The following MRE11 variants were observed in gnomAD, a reference collection of about 807,000 sequenced individuals.
MRE11 encodes double-strand break repair protein MRE11.
Under a neutral mutation model 91.7 loss-of-function variants are expected in MRE11, and 62 were observed. The observed-to-expected ratio is 0.68, with a 90% CI of 0.55 to 0.84. The LOEUF (loss-of-function observed/expected upper bound fraction) is 0.84. MRE11 is among the 40% of genes least tolerant of loss of function. The pLI, the probability that MRE11 is intolerant of heterozygous loss-of-function variation, is 0.00. For synonymous variants in MRE11, 273 were observed against 271.4 expected (o/e 1.01, Z -0.06); for missense variants, 796 against 852.9 (o/e 0.93, Z 0.83).
chr11:94,498,404 C>G, upstream of MRE11: 1 of 1,613,432 alleles, frequency 6.2e-7, no homozygotes, highest in Non-Finnish European at 8.5e-7. Flanking sequence ...CCTGATGAAC[C>G]GTTACGTCAA....
At chr11:94,472,390 A>G (rs1241656966) in intron 7 of MRE11, among the ~76,000 whole-genome samples, 1 of 152,124 alleles carries the variant, frequency 6.6e-6, no homozygotes, top group Non-Finnish European at 1.5e-5. Flanking sequence ...AGATTCAAGT[A>G]AAAGTGTTCA....
chr11:94,456,402 G>T, intron 13 of MRE11, 64 bp from the exon 14 acceptor site: 1 of 1,256,378 alleles, frequency 8.0e-7, no homozygotes. Flanking sequence ...TATAAAACAA[G>T]GGGCTACAAT....
intron 4 of MRE11, among the ~76,000 whole-genome samples, chr11:94,482,594 A>G (rs1037204771): frequency 6.6e-6 from 1 of 152,210 alleles, no homozygotes; most frequent in African/African-American, 2.4e-5. Context: ...TTTTCAAAAC[A>G]GAATGCAATT....
chr11:94,445,366 A>G (rs1004266734), intron 16 of MRE11, among the ~76,000 whole-genome samples: 3 of 152,216 alleles, frequency 2.0e-5, no homozygotes, highest in Non-Finnish European at 4.4e-5. Context: ...GTAGAGTCCA[A>G]TGGCATGATC....
In MRE11 at chr11:94,416,780, G is replaced by A. The variant is rs1341122415; in HGVS notation, c.*3345C>T. 6.6e-6 allele frequency: 1 copy of A among 150,408 alleles called. No homozygotes were observed. Among genetic ancestry groups the A allele is most frequent in the Non-Finnish European group, 1.5e-5 (1 of 67,736 alleles). The allele number at this position is 150,408 out of a possible 1,614,324, so 9.3% of individuals were successfully genotyped here. ...GGCTGAGGCAGGAGAATGGCGTGGA[G>A]CTTGCAGTGAGCCGAAATGGTGCCC... On this transcript the variant is annotated 3_prime_UTR_variant, in exon 20 of 20. Transcript: ENST00000323929.
At chr11:94,462,695 A>G (rs1946452929) in intron 11 of MRE11, among the ~76,000 whole-genome samples, 1 of 152,246 alleles carries the variant, frequency 6.6e-6, no homozygotes, top group African/African-American at 2.4e-5. Flanking sequence ...TTCCCTATTT[A>G]GTAAATGGTG....
chr11:94,473,036 A>G (rs1946758523), intron 7 of MRE11: 1 of 152,140 alleles, frequency 6.6e-6, no homozygotes, highest in South Asian at 2.1e-4. Flanking sequence ...GACTAGCATC[A>G]AATGAGCAGA....
At chr11:94,441,631 AT>A (rs1945780943) in intron 16 of MRE11, among the ~76,000 whole-genome samples, 1 of 152,202 alleles carries the variant, frequency 6.6e-6, no homozygotes, top group African/African-American at 2.4e-5. Context: ...AGGCCTAAAA[AT>A]ATCTTCAGAA....
intron 4 of MRE11, among the ~76,000 whole-genome samples, chr11:94,481,944 T>A (rs1947023651): frequency 6.6e-6 from 1 of 152,176 alleles, no homozygotes; most frequent in Non-Finnish European, 1.5e-5. Context: ...TTATGGGCAA[T>A]ATTTTTTTTA....
the MRE11 span, among the ~76,000 whole-genome samples, chr11:94,505,977 T>C: frequency 1.3e-5 from 2 of 152,218 alleles, no homozygotes; most frequent in African/African-American, 2.4e-5. Context: ...CTATACCAAG[T>C]AGCCTAAGTG....
intron 11 of MRE11, 119 bp downstream of exon 11, chr11:94,463,994 G>T (rs1052768488): frequency 1.8e-6 from 2 of 1,121,848 alleles, no homozygotes; most frequent in Non-Finnish European, 2.6e-6. Flanking sequence ...CTGTCAATTT[G>T]TTTAAGACAT....
At chr11:94,498,297 A>G (rs1463529277), upstream of MRE11, 3 of 1,614,196 alleles carry the variant, frequency 1.9e-6, no homozygotes, top group South Asian at 2.2e-5. Flanking sequence ...TTCTTACTGC[A>G]GCATGATGCA....
intron 19 of MRE11, among the ~76,000 whole-genome samples, chr11:94,424,411 A>G (rs1456144672): frequency 6.6e-6 from 1 of 152,188 alleles, no homozygotes; most frequent in East Asian, 1.9e-4. Context: ...TAACATGAGA[A>G]AGAATCAGTG....
chr11:94,471,949 C>T (rs1946728395), intron 7 of MRE11, among the ~76,000 whole-genome samples, 190 bp from the exon 8 acceptor site: 1 of 151,944 alleles, frequency 6.6e-6, no homozygotes, highest in African/African-American at 2.4e-5. Flanking sequence ...GCTTTACAAA[C>T]TTATTGGACA....
intron 3 of MRE11, among the ~76,000 whole-genome samples, chr11:94,487,846 ATGT>A (rs756739991): frequency 1.3e-5 from 2 of 152,234 alleles, no homozygotes; most frequent in Admixed American, 6.5e-5. Context: ...TGTGAGACTG[ATGT>A]TGTTTCAAAA....
chr11:94,493,928 C>CG (rs1161840044), upstream of MRE11: 4 of 152,292 alleles, frequency 2.6e-5, no homozygotes, highest in East Asian at 7.8e-4. Context: ...AGTGAGGGGG[C>CG]GGGGAAAGTA....
chr11:94,470,621 A>G lies in MRE11; in HGVS notation c.867T>C (p.Ile289=). The G allele has an allele frequency of 6.2e-7, 1 of 1,613,082 alleles. No homozygotes were observed. The highest frequency in any genetic ancestry group is 1.3e-5 in the African/African-American group (1 of 74,978). The change falls in exon 9 of 20, where the codon ATT becomes ATC. Residue 289 remains isoleucine, a synonymous_variant. Coordinates refer to ENST00000323929, the MANE Select transcript of MRE11 (RefSeq NM_005591.4). ...TATGCATATTCATCTTCCTCCCTTT[A>G]ATACGCAGCAAACCAACATGTCTGA... ...AVKKHVGLLR[I]KGRKMNMHKI...
Position 94,471,581 on chromosome 11 carries a change from C to G in MRE11, c.838G>C (p.Val280Leu), listed in dbSNP as rs755762623. Residue 280 changes from valine to leucine, a missense_variant, in exon 8 of 20, where the codon GTA (valine) becomes CTA (leucine). Transcript: ENST00000323929. ...VVTSLSPGEAVKKHVGLLRIK... is the reference protein window; with the variant it reads ...VVTSLSPGEALKKHVGLLRIK... Reference sequence around the variant, plus strand: ...AAAATATATAACACTCACTTCTTTACAGCTTCTCCTGGGGAAAGAGAAGTA... The same window carrying G: ...AAAATATATAACACTCACTTCTTTAGAGCTTCTCCTGGGGAAAGAGAAGTA... The G allele has an allele frequency of 4.3e-6, 7 of 1,612,162 alleles. No individual in the cohort carries two copies. In the South Asian group the frequency reaches 6.6e-5, roughly 15 times the overall value.
chr11:94,478,375 C>A (rs2135082513), intron 6 of MRE11, among the ~76,000 whole-genome samples: 1 of 152,238 alleles, frequency 6.6e-6, no homozygotes, highest in South Asian at 2.1e-4. Flanking sequence ...TGATGCTTTT[C>A]TACTTGCCAG....
Sources: gnomAD v4.1 joint callset for allele counts (sites outside exome capture counted in the v4.1 genomes callset) on GRCh38, gnomAD v4.1.1 for gene constraint, MANE v1.5 for transcripts, NCBI Gene and HGNC (gene_info 2026-07-23, HGNC 2026-07-21) for gene names.